CRHBP: variants seen among roughly 807,000 people sequenced by gnomAD.
CRHBP encodes the protein corticotropin-releasing hormone-binding protein.
A neutral mutation model predicts 34.9 loss-of-function variants in CRHBP; 19 were observed. The ratio of observed to expected loss-of-function variants is 0.55; its 90% confidence interval spans 0.38 to 0.80. CRHBP has a LOEUF of 0.80. CRHBP is among the 30% of genes least tolerant of loss of function. The pLI is 0.00. For missense variants in CRHBP, 328 were observed against 409.2 expected, an observed-to-expected ratio of 0.80 and a Z score of 1.71; for synonymous variants, 154 against 153.4, an observed-to-expected ratio of 1.00 and a Z score of -0.03.
chr5:76,971,413 A>G (rs1745942670), downstream of CRHBP, among the ~76,000 whole-genome samples: 1 of 152,168 alleles, frequency 6.6e-6, no homozygotes, highest in African/African-American at 2.4e-5. Flanking sequence ...TCTCTCTTCT[A>G]AGCAAATATG....
At chr5:76,963,510 AAAT>A in intron 6 of CRHBP, 50 bp downstream of exon 6, 1 of 1,480,556 alleles carries the variant, frequency 6.8e-7, no homozygotes, top group African/African-American at 1.4e-5. Context: ...GATTAAAAAA[AAAT>A]AAGCACTCCC....
At chr5:76,965,135 C>T (rs1440439686) in intron 6 of CRHBP, among the ~76,000 whole-genome samples, 1 of 151,946 alleles carries the variant, frequency 6.6e-6, no homozygotes, top group African/African-American at 2.4e-5. Flanking sequence ...GTGTAGTTTA[C>T]ATGGAAATAG....
chr5:76,976,513 A>G (rs894104449), exon 3 of CRHBP: 3 of 152,262 alleles, frequency 2.0e-5, no homozygotes, highest in Admixed American at 6.5e-5. Context: ...CAGGAACCCA[A>G]TGTAGAGGTG....
Position 76,954,159 on chromosome 5 carries a change from C to T in CRHBP, c.306C>T (p.Ile102=), listed in dbSNP as rs1344930371. The T allele has an allele frequency of 3.7e-6, 6 of 1,613,590 alleles. No homozygotes were observed. Among genetic ancestry groups the T allele is most frequent in the South Asian group, 1.1e-5 (1 of 91,034 alleles). ...FITIHYDQVS[I]DCQGGDFLKV... is the part of the protein sequence containing the mutation. The stretch of plus-strand genomic sequence containing the variant: ...CCATCCACTACGACCAGGTCTCCAT[C>T]GACTGTCAGGGCGGCGACTTCCTGA... The change falls in exon 3 of 7, where the codon ATC becomes ATT. Residue 102 remains isoleucine, a synonymous_variant. Transcript: ENST00000274368.
At chr5:76,980,932 T>C (rs1047306808) in intron 3 of CRHBP, 1 of 152,210 alleles carries the variant, frequency 6.6e-6, no homozygotes, top group African/African-American at 2.4e-5. Flanking sequence ...TCTGAGGTCA[T>C]CATGTCCTTT....
At chr5:76,975,936 G>GTA (rs10598432) in intron 2 of CRHBP, among the ~76,000 whole-genome samples, 6,616 of 135,224 alleles carry the variant, frequency 0.049, 231 homozygotes, top group Middle Eastern at 0.14. Flanking sequence ...ATGTGTGTGT[G>GTA]TATATATATA....
downstream of CRHBP, among the ~76,000 whole-genome samples, chr5:76,973,528 T>C (rs1252730236): frequency 6.6e-6 from 1 of 152,232 alleles, no homozygotes; most frequent in Non-Finnish European, 1.5e-5. Flanking sequence ...GATTCAGCAA[T>C]GGATGAAAGT....
At chr5:76,964,848 T>C (rs951893237) in intron 6 of CRHBP, among the ~76,000 whole-genome samples, 1 of 152,018 alleles carries the variant, frequency 6.6e-6, no homozygotes. Context: ...AGAGCGAGAC[T>C]AGACAGAGTG....
In CRHBP at chr5:76,953,648, C is replaced by T. The variant is rs138616616; in HGVS notation, c.129C>T (p.Asn43=). ...ATCCTTTCCTGCTCTTCAGCGCCAA[C>T]CTGAAGCGGGAGCTGGCTGGGGAGC... ...DYDPFLLFSA[N]LKRELAGEQP... is the part of the protein sequence containing the mutation. Residue 43 remains asparagine (N), a synonymous_variant, in exon 2 of 7, where the codon AAC becomes AAT. Transcript: ENST00000274368. 7 of 1,612,048 alleles carry T rather than the reference C, an allele frequency of 4.3e-6. No individual in the cohort carries two copies. The African/African-American group carries it at 8.0e-5, about 18-fold the overall frequency.
At chr5:76,958,993 A>G (rs1376242710) in intron 5 of CRHBP, 104 bp downstream of exon 5, 2 of 1,215,242 alleles carry the variant, frequency 1.6e-6, no homozygotes, top group Non-Finnish European at 2.3e-6. Context: ...TTGGCGTAGT[A>G]CGTTGCTCTG....
downstream of CRHBP, among the ~76,000 whole-genome samples, chr5:76,973,322 T>A (rs1745976426): frequency 6.6e-6 from 1 of 152,234 alleles, no homozygotes; most frequent in African/African-American, 2.4e-5. Flanking sequence ...TTAACTGGTA[T>A]AACCATATGC....
chr5:76,972,225 C>T (rs1378975635), downstream of CRHBP, among the ~76,000 whole-genome samples: 3 of 151,758 alleles, frequency 2.0e-5, no homozygotes, highest in African/African-American at 7.3e-5. Context: ...ATAGGCTGGG[C>T]GCAGTGGCTC....
At chr5:76,971,468 C>G (rs72763262), downstream of CRHBP, among the ~76,000 whole-genome samples, 20,481 of 152,132 alleles carry the variant, frequency 0.13, 1,566 homozygotes, top group South Asian at 0.23. Context: ...TTGCTTTGTA[C>G]GCTGAAGGAT....
chr5:76,962,720 T>G (rs141215801), intron 5 of CRHBP, among the ~76,000 whole-genome samples: 1 of 152,172 alleles, frequency 6.6e-6, no homozygotes, highest in African/African-American at 2.4e-5. Context: ...TAAATTTGTT[T>G]TAGTTGAAAG....
chr5:76,953,916 G>C, intron 2 of CRHBP, 113 bp from the exon 3 acceptor site: 2 of 1,343,978 alleles, frequency 1.5e-6, no homozygotes, highest in Non-Finnish European at 2.0e-6. Context: ...CTGGAAGTCG[G>C]GGCGCTGGGC....
chr5:76,957,187 A>T (rs902236059), intron 4 of CRHBP, among the ~76,000 whole-genome samples: 55 of 152,264 alleles, frequency 3.6e-4, no homozygotes, highest in African/African-American at 1.1e-3. Flanking sequence ...TAAAACTTTT[A>T]AAAAAGTTTA....
At chr5:76,968,370 C>G (rs913436628) in intron 6 of CRHBP, among the ~76,000 whole-genome samples, 8 of 152,024 alleles carry the variant, frequency 5.3e-5, no homozygotes, top group South Asian at 2.1e-4. Context: ...TCCCTGAACC[C>G]GAGCAACTGT....
chr5:76,972,331 C>T (rs577826624), downstream of CRHBP, among the ~76,000 whole-genome samples: 1 of 152,160 alleles, frequency 6.6e-6, no homozygotes, highest in African/African-American at 2.4e-5. Flanking sequence ...GAAACCCTGT[C>T]TCTACTAAAA....
At position 76,953,103 on chromosome 5, in the gene CRHBP, C is replaced by G. The variant is rs1382248507; in HGVS notation, c.-32C>G. 1 of 1,611,132 alleles carries G rather than the reference C, an allele frequency of 6.2e-7. No homozygotes were observed. Among genetic ancestry groups the G allele is most frequent in the South Asian group, 1.1e-5 (1 of 91,012 alleles). On this transcript the variant is annotated 5_prime_UTR_variant, in exon 1 of 7. Transcript: ENST00000274368. ...GAAGGAAAGCCCAGGACCTCCGGAG[C>G]AGAGCACAGCAGCTGCAGAGGCAAG...
Sources: allele counts gnomAD v4.1 joint callset (sites outside exome capture counted in the v4.1 genomes callset), GRCh38; gene constraint gnomAD v4.1.1; transcripts MANE v1.5; gene names NCBI Gene and HGNC (gene_info 2026-07-23, HGNC 2026-07-21).